STK3: variants seen among roughly 807,000 people sequenced by gnomAD.
The protein encoded by STK3 is serine/threonine-protein kinase 3.
STK3 carries 41 observed loss-of-function variants against 58.0 expected under a neutral mutation model. That is an observed-to-expected ratio of 0.71 (90% CI 0.55 to 0.92). The LOEUF (loss-of-function observed/expected upper bound fraction) is 0.92. STK3 is among the 40% of genes least tolerant of loss of function. The pLI, the probability that STK3 is intolerant of heterozygous loss-of-function variation, is 0.00. For synonymous variants in STK3, 170 were observed against 191.0 expected, an observed-to-expected ratio of 0.89 and a Z score of 0.91; for missense variants, 479 against 602.7, an observed-to-expected ratio of 0.79 and a Z score of 2.15.
chr8:98,751,956 A>T (rs944826983), intron 3 of STK3, among the ~76,000 whole-genome samples: 5 of 152,154 alleles, frequency 3.3e-5, no homozygotes, highest in East Asian at 3.9e-4. Flanking sequence ...ATAATAATAA[A>T]AAATAAAAAA....
chr8:98,724,417 C>G (rs1367145180), intron 4 of STK3, among the ~76,000 whole-genome samples: 1 of 152,158 alleles, frequency 6.6e-6, no homozygotes, highest in African/African-American at 2.4e-5. Context: ...AGGCACTGAG[C>G]ATAAAAATAC....
At chr8:98,847,501 C>T (rs1231165533) in intron 3 of STK3, among the ~76,000 whole-genome samples, 2 of 152,112 alleles carry the variant, frequency 1.3e-5, no homozygotes, top group Non-Finnish European at 2.9e-5. Flanking sequence ...GCCCATACGC[C>T]TCGCTCTTGG....
intron 8 of STK3, among the ~76,000 whole-genome samples, chr8:98,560,796 G>A (rs1392095917): frequency 6.6e-6 from 1 of 152,144 alleles, no homozygotes. Flanking sequence ...ACTTTAGGAG[G>A]CTGAAGTGGG....
chr8:98,407,238 C>T (rs34018826), intron 3 of STK3, among the ~76,000 whole-genome samples: 4,610 of 152,320 alleles, frequency 0.03, 116 homozygotes, highest in South Asian at 0.054. Flanking sequence ...CAAAGGTTGT[C>T]GCCCTGGAGT....
At chr8:98,806,831 A>G (rs570282136) in intron 1 of STK3, among the ~76,000 whole-genome samples, 1 of 152,288 alleles carries the variant, frequency 6.6e-6, no homozygotes, top group South Asian at 2.1e-4. Flanking sequence ...GACAACGCCA[A>G]TTAGTAAAGA....
intron 1 of STK3, among the ~76,000 whole-genome samples, chr8:98,938,871 G>A (rs1233585211): frequency 6.6e-6 from 1 of 152,178 alleles, no homozygotes; most frequent in African/African-American, 2.4e-5. Flanking sequence ...GACAAGGAAG[G>A]CAGGCAAGTG....
chr8:98,648,763 C>T (rs908248426), intron 6 of STK3, among the ~76,000 whole-genome samples: 1 of 151,860 alleles, frequency 6.6e-6, no homozygotes, highest in African/African-American at 2.4e-5. Flanking sequence ...GTGGTGGCAC[C>T]CACCTGTAGT....
intron 4 of STK3, among the ~76,000 whole-genome samples, chr8:98,717,341 C>G (rs1035104102): frequency 1.3e-5 from 2 of 151,934 alleles, no homozygotes; most frequent in East Asian, 1.9e-4. Context: ...ATAAAAAAAT[C>G]AAATTCAAAA....
the STK3 span, among the ~76,000 whole-genome samples, chr8:98,364,387 T>C: frequency 6.6e-6 from 1 of 152,232 alleles, no homozygotes; most frequent in South Asian, 2.1e-4. Context: ...TCTGGGCCTA[T>C]CTTGAAGTCC....
intron 3 of STK3, among the ~76,000 whole-genome samples, chr8:98,831,583 A>T (rs538898716): frequency 1.1e-3 from 162 of 152,362 alleles, no homozygotes; most frequent in South Asian, 2.1e-3. Flanking sequence ...TGGAAAAATA[A>T]TATCAATTAA....
At chr8:98,904,075 A>G (rs1320945431) in intron 1 of STK3, among the ~76,000 whole-genome samples, 1 of 152,198 alleles carries the variant, frequency 6.6e-6, no homozygotes, top group East Asian at 1.9e-4. Flanking sequence ...AACAAGGCTA[A>G]ATTTCAGCTA....
intron 8 of STK3, among the ~76,000 whole-genome samples, chr8:98,569,411 C>A (rs1247424895): frequency 6.6e-6 from 1 of 151,856 alleles, no homozygotes; most frequent in African/African-American, 2.4e-5. Context: ...AGGATGACAG[C>A]TGCTCAACAC....
intron 1 of STK3, among the ~76,000 whole-genome samples, chr8:98,909,880 G>C (rs1364421666): frequency 6.6e-6 from 1 of 152,054 alleles, no homozygotes; most frequent in Admixed American, 6.5e-5. Flanking sequence ...ACCTGGAGTA[G>C]AATATGGTAA....
chr8:98,596,014 C>T lies in STK3; in HGVS notation c.822+18G>A, dbSNP rs776441628. 10 of 1,602,896 alleles carry T rather than the reference C, an allele frequency of 6.2e-6. No homozygotes were observed. Among genetic ancestry groups the T allele is most frequent in the Middle Eastern group, 3.3e-4 (2 of 6,034 alleles). On this transcript the variant is annotated intron_variant, in intron 7 of 10. Coordinates refer to ENST00000419617, the MANE Select transcript of STK3 (RefSeq NM_006281.4). ...GGTATGAAGAAAATATCCTTCCCTTCGAGGCACAAGCACTGACCTGTAAAA... is the reference window on the plus strand; with the variant it reads ...GGTATGAAGAAAATATCCTTCCCTTTGAGGCACAAGCACTGACCTGTAAAA...
intron 6 of STK3, among the ~76,000 whole-genome samples, chr8:98,645,664 C>A (rs1161799497): frequency 6.6e-6 from 1 of 152,044 alleles, no homozygotes; most frequent in Non-Finnish European, 1.5e-5. Flanking sequence ...ATTCCTAGTG[C>A]TTGAATACAA....
At chr8:98,600,656 GA>G (rs1816257372) in intron 6 of STK3, among the ~76,000 whole-genome samples, 2 of 151,864 alleles carry the variant, frequency 1.3e-5, no homozygotes, top group African/African-American at 4.8e-5. Context: ...TCAGTCTCTA[GA>G]AAAAAGTGGA....
At chr8:98,463,640 T>C (rs1281340493) in intron 10 of STK3, among the ~76,000 whole-genome samples, 2 of 152,132 alleles carry the variant, frequency 1.3e-5, no homozygotes, top group Admixed American at 1.3e-4. Context: ...AGTTTACATA[T>C]CTAGTCTACT....
chr8:98,501,096 G>A (rs537491410), intron 10 of STK3, among the ~76,000 whole-genome samples: 14 of 151,978 alleles, frequency 9.2e-5, no homozygotes, highest in Non-Finnish European at 1.8e-4. Flanking sequence ...TTTAATGATC[G>A]CCATTCTAAC....
chr8:98,741,606 G>T (rs1289251722), intron 4 of STK3, among the ~76,000 whole-genome samples: 2 of 151,994 alleles, frequency 1.3e-5, no homozygotes, highest in Admixed American at 1.3e-4. Context: ...GTGTGTAGAG[G>T]GAAATTTATA....
Sources: allele counts gnomAD v4.1 joint callset (sites outside exome capture counted in the v4.1 genomes callset), GRCh38; gene constraint gnomAD v4.1.1; transcripts MANE v1.5; gene names NCBI Gene and HGNC (gene_info 2026-07-23, HGNC 2026-07-21).